The following PCDHA7 variants were observed in gnomAD, a reference collection of about 807,000 sequenced individuals.
The protein encoded by PCDHA7 is protocadherin alpha 7.
PCDHA7 carries 37 observed loss-of-function variants against 57.2 expected under a neutral mutation model. That is an observed-to-expected ratio of 0.65 (90% CI 0.50 to 0.85). PCDHA7 has a LOEUF of 0.85. Ranked by LOEUF, PCDHA7 falls within the 40% of genes least tolerant of loss-of-function variation. The probability of loss-of-function intolerance (pLI) is 0.00; values close to 1 mark genes in which losing one functional copy is unlikely to be tolerated. For missense variants in PCDHA7, 1,188 were observed against 1,241.8 expected (o/e 0.96, Z 0.65); for synonymous variants, 553 against 558.8 (o/e 0.99, Z 0.15).
intron 1 of PCDHA7, among the ~76,000 whole-genome samples, chr5:140,846,576 A>G (rs1780570619): frequency 6.7e-6 from 1 of 148,418 alleles, no homozygotes; most frequent in African/African-American, 2.5e-5. Context: ...GGGTTTCACC[A>G]TGTTAGCCAG....
rs782803893 is a variant in PCDHA7, at chr5:140,927,898, C to G, written c.2356-51051C>G. 3.1e-6 allele frequency: 5 copies of G among 1,614,230 alleles called. No individual in the cohort carries two copies. In the South Asian group the frequency reaches 4.4e-5, roughly 14 times the overall value. On this transcript the variant is annotated intron_variant, in intron 1 of 3. Coordinates refer to ENST00000525929, the MANE Select transcript of PCDHA7 (RefSeq NM_018910.3). Reference sequence around the variant, plus strand: ...GGTGGAGGTGACTGACGTGAACGATCATGCCCCCGAACTGGACTTCCTGAC... The same window carrying G: ...GGTGGAGGTGACTGACGTGAACGATGATGCCCCCGAACTGGACTTCCTGAC...
At chr5:140,985,884 C>T (rs1263620553) in intron 3 of PCDHA7, among the ~76,000 whole-genome samples, 4 of 151,722 alleles carry the variant, frequency 2.6e-5, no homozygotes, top group East Asian at 3.9e-4. Context: ...GGACTACAGG[C>T]GCCCGCCACC....
At chr5:140,976,578 A>C (rs997881753) in intron 1 of PCDHA7, among the ~76,000 whole-genome samples, 1 of 152,204 alleles carries the variant, frequency 6.6e-6, no homozygotes, top group Admixed American at 6.5e-5. Context: ...TATAAATAAA[A>C]CACAGACTTT....
rs549444106 is a variant in PCDHA7 at position 140,953,999 on chromosome 5, T to C, written c.2356-24950T>C. Among the ~76,000 whole-genome samples the C allele has an allele frequency of 1.1e-4, 16 of 152,294 alleles. No homozygotes were observed. In the South Asian group the frequency reaches 3.3e-3, roughly 32 times the overall value. ...CCCTTCATATTTTCATGTGTACTCA[T>C]CATTCAGCTCCCACACATAGTGGGA... is the stretch of plus-strand genomic sequence containing the variant. On this transcript the variant is annotated intron_variant, in intron 1 of 3. Transcript: ENST00000525929.
chr5:140,965,975 T>TGA (rs1554227957), intron 1 of PCDHA7, among the ~76,000 whole-genome samples: 1 of 152,180 alleles, frequency 6.6e-6, no homozygotes, highest in Non-Finnish European at 1.5e-5. Flanking sequence ...CCCTAGGAGT[T>TGA]GAGCACTTTC....
chr5:141,005,489 G>A (rs1336877426), intron 3 of PCDHA7, among the ~76,000 whole-genome samples: 3 of 151,788 alleles, frequency 2.0e-5, no homozygotes, highest in Non-Finnish European at 4.4e-5. Context: ...GGATCATGAG[G>A]TCAGGAGATC....
chr5:140,838,075 ATAGTGTGTGTGTGTGTGTGTGTGT>A (rs2150283450), intron 1 of PCDHA7, among the ~76,000 whole-genome samples: 41 of 128,134 alleles, frequency 3.2e-4, no homozygotes, highest in South Asian at 2.7e-4. Context: ...TTATATATAT[ATAGTGTGTGTGTGTGTGTGTGTGT>A]GTGTGTGTGT....
chr5:140,873,889 G>T (rs1373623503), intron 1 of PCDHA7, among the ~76,000 whole-genome samples: 2 of 152,182 alleles, frequency 1.3e-5, no homozygotes, highest in South Asian at 4.1e-4. Context: ...TTGAACTCCT[G>T]ACCTCAGGTG....
At chr5:140,869,605 T>C (rs782447414) in intron 1 of PCDHA7, 132 of 1,613,940 alleles carry the variant, frequency 8.2e-5, no homozygotes, top group Non-Finnish European at 1.1e-4. Context: ...GAATGCTCTA[T>C]TGACCTACAG....
intron 1 of PCDHA7, among the ~76,000 whole-genome samples, chr5:140,917,545 C>G (rs1049973588): frequency 6.6e-6 from 1 of 152,212 alleles, no homozygotes; most frequent in Non-Finnish European, 1.5e-5. Flanking sequence ...TTAGGTTTTA[C>G]ATTTAACTCT....
chr5:140,876,867 G>A, intron 1 of PCDHA7: 1 of 1,614,152 alleles, frequency 6.2e-7, no homozygotes, highest in Non-Finnish European at 8.5e-7. Context: ...TGTTCGTGAA[G>A]GAGAACAACC....
intron 1 of PCDHA7, among the ~76,000 whole-genome samples, chr5:140,938,203 C>T (rs1181415730): frequency 6.6e-6 from 1 of 152,146 alleles, no homozygotes; most frequent in Non-Finnish European, 1.5e-5. Flanking sequence ...ACGCCAGCCT[C>T]CCAAAGTGCT....
intron 3 of PCDHA7, among the ~76,000 whole-genome samples, chr5:140,993,075 G>A (rs531612224): frequency 1.3e-3 from 191 of 152,324 alleles, no homozygotes; most frequent in African/African-American, 4.5e-3. Flanking sequence ...CCTGCAGTCT[G>A]CAATCAGCAG....
intron 1 of PCDHA7, chr5:140,857,767 C>T: frequency 6.3e-7 from 1 of 1,597,458 alleles, no homozygotes; most frequent in Non-Finnish European, 8.6e-7. Context: ...GCAGCGCGGG[C>T]GGTGCAGTCA....
intron 1 of PCDHA7, among the ~76,000 whole-genome samples, chr5:140,961,356 CA>C (rs1164957121): frequency 1.3e-5 from 2 of 152,168 alleles, no homozygotes; most frequent in Non-Finnish European, 2.9e-5. Context: ...CTGTAGTCCC[CA>C]TTAGAATTCT....
chr5:140,908,880 A>C (rs1342304863), intron 1 of PCDHA7, among the ~76,000 whole-genome samples: 1 of 152,204 alleles, frequency 6.6e-6, no homozygotes, highest in Non-Finnish European at 1.5e-5. Context: ...TCCAAAATCC[A>C]ATAGTCCCAA....
At chr5:140,917,690 G>C (rs2078307385) in intron 1 of PCDHA7, among the ~76,000 whole-genome samples, 1 of 152,108 alleles carries the variant, frequency 6.6e-6, no homozygotes, top group African/African-American at 2.4e-5. Context: ...TTTTGTTGAA[G>C]ATCAGATAAT....
chr5:140,837,954 C>T (rs1258074130), intron 1 of PCDHA7, among the ~76,000 whole-genome samples: 1 of 151,820 alleles, frequency 6.6e-6, no homozygotes, highest in Non-Finnish European at 1.5e-5. Context: ...ATTGGGATTA[C>T]AGACACGAAC....
intron 1 of PCDHA7, among the ~76,000 whole-genome samples, chr5:140,907,552 C>A (rs576974083): frequency 1.4e-4 from 21 of 152,278 alleles, no homozygotes; most frequent in Admixed American, 1.3e-3. Flanking sequence ...GGAAGAGGTC[C>A]AATATAATCA....
Sources: allele counts gnomAD v4.1 joint callset (sites outside exome capture counted in the v4.1 genomes callset), GRCh38; gene constraint gnomAD v4.1.1; transcripts MANE v1.5; gene names NCBI Gene and HGNC (gene_info 2026-07-23, HGNC 2026-07-21).